DKK2: variants seen among roughly 807,000 people sequenced by gnomAD.
DKK2 encodes the protein dickkopf Wnt signaling pathway inhibitor 2.
A neutral mutation model predicts 28.1 loss-of-function variants in DKK2; 11 were observed. The observed-to-expected ratio is 0.39, with a 90% CI of 0.25 to 0.65. The LOEUF (loss-of-function observed/expected upper bound fraction) is 0.65, where lower values mean the gene tolerates loss of function less well. DKK2 is among the 30% of genes least tolerant of loss of function. DKK2 has a pLI of 0.47. For missense variants in DKK2, 326 were observed against 335.5 expected (o/e 0.97, Z 0.22); for synonymous variants, 135 against 126.5 (o/e 1.07, Z -0.45).
intron 1 of DKK2, among the ~76,000 whole-genome samples, chr4:106,931,853 C>T (rs1724508960): frequency 1.3e-5 from 2 of 152,096 alleles, no homozygotes; most frequent in African/African-American, 4.8e-5. Flanking sequence ...AAAGAAAGTA[C>T]CTTTGTGAGT....
At position 106,990,175 on chromosome 4, in the gene DKK2, TAATA is replaced by T. The variant is rs1273854851; in HGVS notation, c.222+45191_222+45194del. On this transcript the variant is annotated intron_variant, in intron 1 of 3. Transcript: ENST00000285311. The stretch of plus-strand genomic sequence containing the variant: ...TTTGTTTTTAAATTTTAACACTAAT[TAATA>T]AATTAATTTTTCCTAAATAAAATAC... Among the ~76,000 whole-genome samples, 11 of 152,312 alleles carry T rather than the reference TAATA, an allele frequency of 7.2e-5. No individual in the cohort carries two copies. In the East Asian group the frequency reaches 2.1e-3, roughly 29 times the overall value.
intron 1 of DKK2, among the ~76,000 whole-genome samples, chr4:106,960,458 A>C (rs2110350150): frequency 6.6e-6 from 1 of 152,196 alleles, no homozygotes; most frequent in Middle Eastern, 3.4e-3. Context: ...TGAAAAACTA[A>C]CTTTTGGGAA....
chr4:107,032,515 C>T (rs1006822932), intron 1 of DKK2, among the ~76,000 whole-genome samples: 1 of 152,016 alleles, frequency 6.6e-6, no homozygotes, highest in Non-Finnish European at 1.5e-5. Flanking sequence ...TAACGAATTA[C>T]TAAATTTATT....
At chr4:106,984,257 T>C (rs1322337990) in intron 1 of DKK2, among the ~76,000 whole-genome samples, 3 of 152,218 alleles carry the variant, frequency 2.0e-5, no homozygotes, top group Non-Finnish European at 4.4e-5. Flanking sequence ...ACTAAGTACA[T>C]TCACAGTGTT....
intron 1 of DKK2, among the ~76,000 whole-genome samples, chr4:107,016,923 C>G (rs1031160367): frequency 5.3e-5 from 8 of 151,884 alleles, no homozygotes; most frequent in African/African-American, 1.4e-4. Flanking sequence ...ATGTGTAGTT[C>G]AAGAGAGGCA....
intron 1 of DKK2, among the ~76,000 whole-genome samples, chr4:106,993,868 T>A (rs1390069679): frequency 6.6e-6 from 1 of 152,202 alleles, no homozygotes; most frequent in Non-Finnish European, 1.5e-5. Context: ...GCTAATGTTA[T>A]CTATCCTGTC....
chr4:107,016,837 G>A (rs530964973), intron 1 of DKK2, among the ~76,000 whole-genome samples: 6 of 152,002 alleles, frequency 3.9e-5, no homozygotes, highest in East Asian at 1.9e-4. Flanking sequence ...TTGGGAAAGG[G>A]AAAAGATGGG....
chr4:106,923,840 T>C lies in DKK2; in HGVS notation c.*114A>G, dbSNP rs991819125. ...CTTTTTGTGATCATCTATATTCTTATCACGTTTCTTATTTTAGCCATTCTT... is the reference window on the plus strand; with the variant it reads ...CTTTTTGTGATCATCTATATTCTTACCACGTTTCTTATTTTAGCCATTCTT... On this transcript the variant is annotated 3_prime_UTR_variant, in exon 4 of 4. Transcript: ENST00000285311. 6.3e-5 allele frequency: 87 copies of C among 1,391,558 alleles called. No individual in the cohort carries two copies. The highest frequency in any genetic ancestry group is 1.4e-4 in the African/African-American group (10 of 69,396). The allele number at this position is 1,391,558 out of a possible 1,614,324, so 86.2% of individuals were successfully genotyped here.
intron 1 of DKK2, among the ~76,000 whole-genome samples, chr4:106,996,280 A>C (rs1002696222): frequency 6.6e-6 from 1 of 152,220 alleles, no homozygotes; most frequent in Admixed American, 6.5e-5. Context: ...TAAGAAAGAC[A>C]CAGAATATGC....
intron 1 of DKK2, among the ~76,000 whole-genome samples, chr4:106,997,385 CTG>C (rs1319734874): frequency 1.3e-5 from 2 of 152,050 alleles, no homozygotes; most frequent in Non-Finnish European, 2.9e-5. Context: ...ATTATTTTCT[CTG>C]TTTATCCTGT....
chr4:106,965,979 T>G (rs553643601), intron 1 of DKK2, among the ~76,000 whole-genome samples: 2 of 152,000 alleles, frequency 1.3e-5, no homozygotes, highest in Admixed American at 1.3e-4. Context: ...CCACATTTTC[T>G]TAATCCAGTC....
intron 1 of DKK2, among the ~76,000 whole-genome samples, chr4:106,976,324 A>C (rs756503069): frequency 6.6e-6 from 1 of 152,156 alleles, no homozygotes; most frequent in East Asian, 1.9e-4. Flanking sequence ...CGATCTGTCT[A>C]ATATTGACAG....
intron 1 of DKK2, among the ~76,000 whole-genome samples, chr4:106,935,037 TG>T (rs1248733934): frequency 6.6e-6 from 1 of 151,984 alleles, no homozygotes. Context: ...GCAAGAGGAT[TG>T]CTCAACAGTG....
chr4:106,953,634 G>A (rs1198493506), intron 1 of DKK2, among the ~76,000 whole-genome samples: 1 of 152,110 alleles, frequency 6.6e-6, no homozygotes, highest in Non-Finnish European at 1.5e-5. Flanking sequence ...CAGAAGCTCA[G>A]AGGCTACTGA....
intron 1 of DKK2, among the ~76,000 whole-genome samples, chr4:106,959,875 G>A (rs1286417505): frequency 6.6e-6 from 1 of 151,762 alleles, no homozygotes; most frequent in East Asian, 1.9e-4. Context: ...CCCTTTCAGA[G>A]TTTGTTCAAG....
chr4:106,963,367 G>C (rs1044526486), intron 1 of DKK2, among the ~76,000 whole-genome samples: 1 of 150,894 alleles, frequency 6.6e-6, no homozygotes, highest in African/African-American at 2.4e-5. Flanking sequence ...AAAAAAAGAG[G>C]CAAAAAATCT....
chr4:107,028,896 T>C (rs188994282), intron 1 of DKK2, among the ~76,000 whole-genome samples: 29 of 152,312 alleles, frequency 1.9e-4, no homozygotes, highest in Non-Finnish European at 2.1e-4. Flanking sequence ...GGGGAGTTTG[T>C]TGCTGGTTTT....
At chr4:106,946,941 T>C (rs1313832915) in intron 1 of DKK2, among the ~76,000 whole-genome samples, 2 of 152,030 alleles carry the variant, frequency 1.3e-5, no homozygotes, top group African/African-American at 2.4e-5. Context: ...CATTGATGAT[T>C]TACCAAAGGC....
chr4:107,016,710 G>A (rs1300101296), intron 1 of DKK2, among the ~76,000 whole-genome samples: 5 of 151,858 alleles, frequency 3.3e-5, no homozygotes, highest in Non-Finnish European at 7.4e-5. Context: ...TTAATGGTCT[G>A]AATATGAGTA....
Sources: gnomAD v4.1 joint callset for allele counts (sites outside exome capture counted in the v4.1 genomes callset) on GRCh38, gnomAD v4.1.1 for gene constraint, MANE v1.5 for transcripts, NCBI Gene and HGNC (gene_info 2026-07-23, HGNC 2026-07-21) for gene names.